WDR12: variants seen among roughly 807,000 people sequenced by gnomAD.
The protein encoded by WDR12 is WD repeat domain 12.
Under a neutral mutation model 64.3 loss-of-function variants are expected in WDR12, and 42 were observed. That is an observed-to-expected ratio of 0.65 (90% CI 0.51 to 0.84). WDR12 has a LOEUF of 0.84. Among genes scored for constraint, WDR12 ranks in the 40% least tolerant of loss-of-function variants. The pLI is 0.00. For missense variants in WDR12, 469 were observed against 494.6 expected (o/e 0.95, Z 0.49); for synonymous variants, 158 against 173.3 (o/e 0.91, Z 0.70).
intron 11 of WDR12, 85 bp from the exon 12 acceptor site, chr2:202,882,868 C>T: frequency 7.1e-7 from 1 of 1,411,416 alleles, no homozygotes; most frequent in Non-Finnish European, 9.9e-7. Flanking sequence ...TATCTGAAAA[C>T]TTTACAGGGT....
chr2:202,883,657 AGCT>A lies in WDR12; in HGVS notation c.1070_1072del (p.Gln357del). ...AATGTTATCTAAAGATCCTGAAATC[AGCT>A]GCTGTTCATGGGTAGGAGACCATTT... On this transcript the variant is annotated inframe_deletion, in exon 11 of 13. Coordinates refer to ENST00000261015, the MANE Select transcript of WDR12 (RefSeq NM_018256.4). The A allele has an allele frequency of 6.2e-7, 1 of 1,614,182 alleles. No homozygotes were observed.
At chr2:202,889,203 A>G (rs1048202137) in intron 8 of WDR12, among the ~76,000 whole-genome samples, 1 of 152,206 alleles carries the variant, frequency 6.6e-6, no homozygotes, top group African/African-American at 2.4e-5. Context: ...CTCAAACGAA[A>G]TGAACTATGG....
At chr2:202,893,802 G>C (rs2105907078) in intron 7 of WDR12, among the ~76,000 whole-genome samples, 2 of 152,090 alleles carry the variant, frequency 1.3e-5, no homozygotes, top group Non-Finnish European at 2.9e-5. Context: ...TCCTCTCAAA[G>C]TCCTTCCTCC....
At chr2:202,898,619 G>A (rs189470697) in intron 4 of WDR12, among the ~76,000 whole-genome samples, 6 of 152,190 alleles carry the variant, frequency 3.9e-5, no homozygotes, top group Admixed American at 1.3e-4. Context: ...GTGAGGATTT[G>A]CCCTAAGATA....
chr2:202,901,924 T>C (rs1023349923), intron 2 of WDR12, among the ~76,000 whole-genome samples: 1 of 152,142 alleles, frequency 6.6e-6, no homozygotes, highest in Non-Finnish European at 1.5e-5. Context: ...AGGATGTAAA[T>C]AGGTTCTGGT....
chr2:202,894,373 CA>C (rs1219528982), intron 7 of WDR12, among the ~76,000 whole-genome samples: 1 of 152,136 alleles, frequency 6.6e-6, no homozygotes, highest in Non-Finnish European at 1.5e-5. Flanking sequence ...CATACCACCA[CA>C]CCTTGCTAAT....
At chr2:202,911,135 T>C (rs1167187623) in intron 1 of WDR12, among the ~76,000 whole-genome samples, 2 of 152,172 alleles carry the variant, frequency 1.3e-5, no homozygotes, top group East Asian at 1.9e-4. Context: ...TCAAAAACTT[T>C]TTTTCCGTTT....
intron 7 of WDR12, among the ~76,000 whole-genome samples, chr2:202,894,163 AT>A (rs1249745395): frequency 1.3e-5 from 2 of 152,106 alleles, no homozygotes; most frequent in Non-Finnish European, 2.9e-5. Context: ...ATTTGTTGCC[AT>A]ACTGGTCTCT....
Position 202,879,539 on chromosome 2 carries a change from G to C in WDR12, c.*1321C>G, listed in dbSNP as rs1487612598. 6.6e-6 allele frequency: 1 copy of C among 151,888 alleles called. No homozygotes were observed. The highest frequency in any genetic ancestry group is 1.5e-5 in the Non-Finnish European group (1 of 68,050). The allele number at this position is 151,888 out of a possible 1,614,324, so 9.4% of individuals were successfully genotyped here. On this transcript the variant is annotated 3_prime_UTR_variant, in exon 13 of 13. Coordinates refer to ENST00000261015, the MANE Select transcript of WDR12 (RefSeq NM_018256.4). ...GGGTTCAACCAATTCTCCTGCCTCA[G>C]CCTCCCAAGTACTTGGGACCACAGG...
chr2:202,911,383 G>T (rs1402449547), intron 1 of WDR12, 53 bp downstream of exon 1: 15 of 1,566,920 alleles, frequency 9.6e-6, no homozygotes, highest in Non-Finnish European at 1.3e-5. Context: ...ATACCAAAGG[G>T]GTGGTCGGAA....
intron 8 of WDR12, among the ~76,000 whole-genome samples, chr2:202,890,996 TAAAAAA>T (rs71030997): frequency 3.2e-3 from 353 of 111,166 alleles, no homozygotes; most frequent in Non-Finnish European, 4.6e-3. Flanking sequence ...TTTGTCTCTT[TAAAAAA>T]AAAAAAAAAA....
chr2:202,896,304 T>G, intron 5 of WDR12, 85 bp from the exon 6 acceptor site: 1 of 1,406,914 alleles, frequency 7.1e-7, no homozygotes, highest in East Asian at 2.5e-5. Context: ...GAACTAAATT[T>G]TTTTGTTGTT....
intron 12 of WDR12, 134 bp from the exon 13 acceptor site, chr2:202,881,071 A>C: frequency 1.5e-6 from 1 of 656,486 alleles, no homozygotes; most frequent in Non-Finnish European, 2.4e-6. Flanking sequence ...TTGCATTGAG[A>C]GTGAGTAAAG....
chr2:202,898,446 G>T (rs1229335348), intron 4 of WDR12, among the ~76,000 whole-genome samples: 1 of 152,140 alleles, frequency 6.6e-6, no homozygotes, highest in Non-Finnish European at 1.5e-5. Context: ...CCACGCGCCT[G>T]GCTGTCCACC....
intron 4 of WDR12, 31 bp from the exon 5 acceptor site, chr2:202,897,446 A>C: frequency 7.4e-7 from 1 of 1,359,412 alleles, no homozygotes; most frequent in Non-Finnish European, 1.0e-6. Context: ...ATGAAACACA[A>C]AAAGCAGTTT....
rs1447806863 is a variant in WDR12 at position 202,878,991 on chromosome 2, G to A, written c.*1869C>T. Reference sequence around the variant, plus strand: ...AAAAAATTTATTCTAATCTACACATGAGGAAAGATTAGGGTTACAGTGAAA... The same window carrying A: ...AAAAAATTTATTCTAATCTACACATAAGGAAAGATTAGGGTTACAGTGAAA... On this transcript the variant is annotated 3_prime_UTR_variant, in exon 13 of 13. Transcript: ENST00000261015. The A allele has an allele frequency of 6.6e-6, 1 of 152,146 alleles. No individual in the cohort carries two copies. The highest frequency in any genetic ancestry group is 6.5e-5 in the Admixed American group (1 of 15,272). The allele number at this position is 152,146 out of a possible 1,614,324, so 9.4% of individuals were successfully genotyped here.
intron 2 of WDR12, among the ~76,000 whole-genome samples, chr2:202,906,888 C>CA (rs1448918699): frequency 6.6e-6 from 1 of 151,868 alleles, no homozygotes; most frequent in African/African-American, 2.4e-5. Flanking sequence ...TCAGAAATAT[C>CA]AATCAAAACT....
chr2:202,892,761 G>A, intron 7 of WDR12, 59 bp from the exon 8 acceptor site: 4 of 1,229,738 alleles, frequency 3.3e-6, no homozygotes, highest in Non-Finnish European at 4.7e-6. Flanking sequence ...TGAACTGTCT[G>A]AAAGAATTCT....
chr2:202,908,885 A>G (rs1391118101), intron 1 of WDR12, among the ~76,000 whole-genome samples: 1 of 152,228 alleles, frequency 6.6e-6, no homozygotes, highest in East Asian at 1.9e-4. Flanking sequence ...AAGAACACTT[A>G]CAACTCAATA....
Sources: gnomAD v4.1 joint callset for allele counts (sites outside exome capture counted in the v4.1 genomes callset) on GRCh38, gnomAD v4.1.1 for gene constraint, MANE v1.5 for transcripts, NCBI Gene and HGNC (gene_info 2026-07-23, HGNC 2026-07-21) for gene names.